Variants in STAC2 observed in about 807,000 individuals in gnomAD.
STAC2 encodes SH3 and cysteine rich domain 2, also known as SH3 and cysteine-rich domain-containing protein 2.
STAC2 carries 36 observed loss-of-function variants against 49.0 expected under a neutral mutation model. That is an observed-to-expected ratio of 0.74 (90% CI 0.56 to 0.97). The LOEUF is 0.97. Among genes scored for constraint, STAC2 ranks in the 50% least tolerant of loss-of-function variants. STAC2 has a pLI of 0.00. For synonymous variants in STAC2, 239 were observed against 214.7 expected (o/e 1.11, Z -0.99); for missense variants, 527 against 543.8 (o/e 0.97, Z 0.31).
chr17:39,217,985 G>A lies in STAC2; in HGVS notation c.279C>T (p.Pro93=), dbSNP rs574017393. The change falls in exon 2 of 11, where the codon CCC becomes CCT. Residue 93 remains proline, a synonymous_variant. Coordinates refer to ENST00000333461, the MANE Select transcript of STAC2 (RefSeq NM_198993.5). ...GGGGGCGTGGGACTGGGCATGGGGA[G>A]GGGGATGGGGTAGCCAGGCCCCTGT... The part of the protein sequence containing the change: ...ASDRGLATPS[P]SPCPVPRPLA... 7.6e-6 allele frequency: 12 copies of A among 1,587,184 alleles called. No homozygotes were observed. In the South Asian group the frequency reaches 1.1e-4, roughly 15 times the overall value.
At position 39,220,319 on chromosome 17, in the gene STAC2, G is replaced by A. The variant is rs144278216; in HGVS notation, c.91-2146C>T. 3.5e-4 allele frequency among the ~76,000 whole-genome samples: 53 copies of A among 152,294 alleles called. 2 individuals carry two copies. The East Asian group carries it at 9.8e-3, about 28-fold the overall frequency. ...ATGGGCCCCAAGAGGCAGGTGAACC[G>A]TCCACTGTTCTGTCCAGGGACCTCA... On this transcript the variant is annotated intron_variant, in intron 1 of 10. Coordinates refer to ENST00000333461, the MANE Select transcript of STAC2 (RefSeq NM_198993.5).
In STAC2 at chr17:39,214,791, C is replaced by G; in HGVS notation, c.843G>C (p.Gln281His). The change falls in exon 7 of 11, where the codon CAG becomes CAC. Residue 281 changes from glutamine (Q) to histidine (H), a missense_variant and splice_region_variant. Transcript: ENST00000333461. Reference protein sequence around the residue: ...PGPEEKSPGQQLPKATLRKDV... With the variant: ...PGPEEKSPGQHLPKATLRKDV... Reference sequence around the variant, plus strand: ...CGGGCCAATGCCAGTACAGGCTCACCTGCTGTCCAGGACTCTTCTCCTCTG... The same window carrying G: ...CGGGCCAATGCCAGTACAGGCTCACGTGCTGTCCAGGACTCTTCTCCTCTG... 1 of 1,613,938 alleles carries G rather than the reference C, an allele frequency of 6.2e-7. No homozygotes were observed. Among genetic ancestry groups the G allele is most frequent in the Non-Finnish European group, 8.5e-7 (1 of 1,179,920 alleles).
chr17:39,223,386 A>G (rs1245477505), intron 1 of STAC2, among the ~76,000 whole-genome samples: 1 of 152,198 alleles, frequency 6.6e-6, no homozygotes, highest in East Asian at 1.9e-4. Context: ...GTGTTAGTGC[A>G]GAATCCTTCA....
chr17:39,215,035 G>C lies in STAC2; in HGVS notation c.700-12C>G. 6.2e-7 allele frequency: 1 copy of C among 1,614,054 alleles called. No individual in the cohort carries two copies. The highest frequency in any genetic ancestry group is 1.1e-5 in the South Asian group (1 of 91,074). On this transcript the variant is annotated splice_polypyrimidine_tract_variant and intron_variant, in intron 5 of 10. Transcript: ENST00000333461. ...TCATCCCGCTCACTCTAGGGACAGA[G>C]AGAGGAGAGGGCTCAGCCCCCGAGC... is the stretch of plus-strand genomic sequence containing the variant.
intron 1 of STAC2, among the ~76,000 whole-genome samples, chr17:39,221,044 T>C (rs2046457884): frequency 1.4e-5 from 2 of 148,024 alleles, no homozygotes. Context: ...GATCCGCCTG[T>C]TTCGGCCTCC....
chr17:39,216,791 G>A lies in STAC2; in HGVS notation c.586+19C>T, dbSNP rs780203308. 11 of 1,568,884 alleles carry A rather than the reference G, an allele frequency of 7.0e-6. No individual in the cohort carries two copies. The highest frequency in any genetic ancestry group is 2.3e-5 in the South Asian group (2 of 85,450). On this transcript the variant is annotated intron_variant, in intron 4 of 10. Coordinates refer to ENST00000333461, the MANE Select transcript of STAC2 (RefSeq NM_198993.5). The stretch of plus-strand genomic sequence containing the variant: ...CCACCACAATGGGAGCAGGGACTGC[G>A]GCCAGGGGGGGCACTCACCAGTGGG...
rs2046498386 is a variant in STAC2, at chr17:39,225,039, G to A, written c.90+374C>T. Among the ~76,000 whole-genome samples the A allele has an allele frequency of 6.6e-6, 1 of 152,162 alleles. No homozygotes were observed. On this transcript the variant is annotated intron_variant, in intron 1 of 10. Transcript: ENST00000333461. This position sits in a 1 kb window ranked among gnomAD's most constrained non-coding sequence, Gnocchi z 8.2. ...GAGACACGAGCGAGGATAGAGGCGC[G>A]GACTGAGCCCGGGACTGGGACCCGG...
In STAC2 at chr17:39,218,178, G is replaced by A. The variant is rs748150195; in HGVS notation, c.91-5C>T. On this transcript the variant is annotated splice_region_variant and splice_polypyrimidine_tract_variant and intron_variant, in intron 1 of 10. Transcript: ENST00000333461. ...GGAGCGCTTGAATCGCTGGAGCTGG[G>A]AGAAAAAGAGGGAGCTGTGAGTGGG... 7 of 1,613,280 alleles carry A rather than the reference G, an allele frequency of 4.3e-6. No individual in the cohort carries two copies. The Admixed American group carries it at 6.7e-5, about 15-fold the overall frequency.
chr17:39,210,891 C>T lies in STAC2; in HGVS notation c.*1401G>A, dbSNP rs1296103086. 6.6e-6 allele frequency: 1 copy of T among 152,320 alleles called. No individual in the cohort carries two copies. The highest frequency in any genetic ancestry group is 1.5e-5 in the Non-Finnish European group (1 of 68,076). The allele number at this position is 152,320 out of a possible 1,614,324, so 9.4% of individuals were successfully genotyped here. On this transcript the variant is annotated 3_prime_UTR_variant, in exon 11 of 11. Coordinates refer to ENST00000333461, the MANE Select transcript of STAC2 (RefSeq NM_198993.5). ...GCAGCTGTATTAAGAGAGGGGTCCT[C>T]TCTGTGTATGCCCACCCCACCCCAT...
chr17:39,212,074 C>T lies in STAC2; in HGVS notation c.*218G>A. The T allele has an allele frequency of 5.6e-6, 1 of 177,172 alleles. No homozygotes were observed. Among genetic ancestry groups the T allele is most frequent in the Non-Finnish European group, 1.2e-5 (1 of 85,340 alleles). 11.0% of individuals were successfully genotyped at this position (177,172 alleles called of 1,614,324 possible). ...CTCATTCCCTCCCACCCCACCCCAT[C>T]CCCGCCAAGTCCCAGAGGATCAACC... On this transcript the variant is annotated 3_prime_UTR_variant, in exon 11 of 11. Coordinates refer to ENST00000333461, the MANE Select transcript of STAC2 (RefSeq NM_198993.5).
rs1383218838 is a variant in STAC2 at position 39,214,286 on chromosome 17, G to A, written c.888C>T (p.Ser296=). 1.2e-6 allele frequency: 2 copies of A among 1,614,088 alleles called. No homozygotes were observed. Among genetic ancestry groups the A allele is most frequent in the East Asian group, 4.5e-5 (2 of 44,882 alleles). The change falls in exon 8 of 11, where the codon TCC becomes TCT. Residue 296 remains serine (S), a synonymous_variant. Transcript: ENST00000333461. ...TLRKDVGPMY[S]YVALYKFLPQ... is the part of the protein sequence containing the mutation. ...GCAGAAACTTGTAGAGTGCAACGTA[G>A]GAGTACATGGGCCCCACATCCTTCC...
intron 1 of STAC2, among the ~76,000 whole-genome samples, chr17:39,224,409 C>G (rs142550380): frequency 6.6e-6 from 1 of 152,152 alleles, no homozygotes; most frequent in Non-Finnish European, 1.5e-5. Flanking sequence ...ACCCCAGGCC[C>G]GCTCAGGTTG....
chr17:39,212,434 C>CCAGGG, intron 10 of STAC2, 38 bp from the exon 11 acceptor site: 1 of 1,531,666 alleles, frequency 6.5e-7, no homozygotes, highest in Non-Finnish European at 8.9e-7. Flanking sequence ...CCTGGCATGG[C>CCAGGG]CTGCAGCCCT....
At chr17:39,216,744 T>C in intron 4 of STAC2, 66 bp downstream of exon 4, 1 of 1,447,324 alleles carries the variant, frequency 6.9e-7, no homozygotes, top group Non-Finnish European at 9.4e-7. Context: ...GCCAGGCTGG[T>C]CAGGGATGTT....
At chr17:39,224,517 G>A (rs2046492352) in intron 1 of STAC2, among the ~76,000 whole-genome samples, 1 of 152,248 alleles carries the variant, frequency 6.6e-6, no homozygotes, top group Admixed American at 6.5e-5. Flanking sequence ...CTGAGTGTGA[G>A]CGGCGGCCTC....
chr17:39,218,613 T>C (rs1209124148), intron 1 of STAC2, among the ~76,000 whole-genome samples: 1 of 152,248 alleles, frequency 6.6e-6, no homozygotes, highest in Non-Finnish European at 1.5e-5. Flanking sequence ...GGTAGTATAC[T>C]ATATTTCCTG....
chr17:39,225,356 C>A lies in STAC2; in HGVS notation c.90+57G>T. On this transcript the variant is annotated intron_variant, in intron 1 of 10. Transcript: ENST00000333461. This position sits in a 1 kb window ranked among gnomAD's most constrained non-coding sequence, Gnocchi z 8.2. ...CGCCCGGGCCCACAGGAGGACCCCG[C>A]CGGGAAGAGGGCGCCCGGGCCCGGG... The A allele has an allele frequency of 6.7e-7, 1 of 1,487,326 alleles. No homozygotes were observed. 92.1% of individuals were successfully genotyped at this position (1,487,326 alleles called of 1,614,324 possible). A position where few individuals can be genotyped will look rare whatever the true frequency, so the allele number is the denominator to read the frequency against.
At chr17:39,213,357 C>T (rs2046371739) in intron 9 of STAC2, 150 bp downstream of exon 9, 10 of 1,188,304 alleles carry the variant, frequency 8.4e-6, no homozygotes, top group Non-Finnish European at 1.2e-5. Flanking sequence ...GAGGATGTCC[C>T]AAGGGTTGGT....
At chr17:39,216,431 A>G (rs1019538745) in intron 4 of STAC2, among the ~76,000 whole-genome samples, 1 of 152,228 alleles carries the variant, frequency 6.6e-6, no homozygotes, top group African/African-American at 2.4e-5. Flanking sequence ...ACTGTGTCTC[A>G]GAGTCCAGCA....
Sources: gnomAD v4.1 joint callset for allele counts (sites outside exome capture counted in the v4.1 genomes callset) on GRCh38, gnomAD v4.1.1 for gene constraint, Gnocchi (gnomAD v3.1) non-coding constraint, MANE v1.5 for transcripts, NCBI Gene and HGNC (gene_info 2026-07-23, HGNC 2026-07-21) for gene names.